HCCS: variants seen among roughly 807,000 people sequenced by gnomAD.
The protein encoded by HCCS is holocytochrome c-type synthase.
A neutral mutation model predicts 24.2 loss-of-function variants in HCCS; 2 were observed. The observed-to-expected ratio is 0.08, with a 90% CI of 0.03 to 0.26. The LOEUF (loss-of-function observed/expected upper bound fraction) is 0.26, where lower values mean the gene tolerates loss of function less well. Among genes scored for constraint, HCCS ranks in the 10% least tolerant of loss-of-function variants. HCCS has a pLI of 1.00. For missense variants in HCCS, 150 were observed against 213.3 expected (o/e 0.70, Z 1.85); for synonymous variants, 73 against 76.2 (o/e 0.96, Z 0.22).
At chrX:11,111,754 G>T (rs1348090632) in intron 1 of HCCS, among the ~76,000 whole-genome samples, 1 of 112,153 alleles carries the variant, frequency 8.9e-6, no homozygotes, top group East Asian at 2.8e-4. Flanking sequence ...GTACCTCCTG[G>T]CTGTGACGTG....
chrX:11,114,724 T>G (rs1452876022), intron 2 of HCCS, 111 bp from the exon 3 acceptor site: 1 of 687,564 alleles, frequency 1.5e-6, no homozygotes, highest in African/African-American at 2.1e-5. Flanking sequence ...AAACCTGGCT[T>G]TTCCTATGGT....
chrX:11,111,673 C>T, intron 1 of HCCS, among the ~76,000 whole-genome samples, 155 bp downstream of exon 1: 1 of 111,874 alleles, frequency 8.9e-6, no homozygotes, highest in Middle Eastern at 4.6e-3. Flanking sequence ...AGTCTAGGCT[C>T]AATGGACCTC....
intron 1 of HCCS, among the ~76,000 whole-genome samples, chrX:11,111,801 C>T (rs1250780405): frequency 8.9e-6 from 1 of 112,373 alleles, no homozygotes; most frequent in Non-Finnish European, 1.9e-5. Context: ...TCCCAAAATC[C>T]TCACTGCCTT....
In HCCS at chrX:11,114,953, T is replaced by G. The variant is rs1467650525; in HGVS notation, c.219T>G (p.Ala73=). The G allele has an allele frequency of 8.3e-7, 1 of 1,208,106 alleles. No homozygotes were observed. The highest frequency in any genetic ancestry group is 1.1e-6 in the Non-Finnish European group (1 of 893,180). ...AGTGTCCCATTAGGGGCACTGCGGC[T>G]GAGAATAAGGAGAACCTAGATCCTT... The part of the protein sequence containing the change: ...YVECPIRGTA[A]ENKENLDPSN... The change falls in exon 3 of 7, where the codon GCT becomes GCG. Residue 73 remains alanine, a synonymous_variant. Transcript: ENST00000380762.
chrX:11,117,861 G>A (rs550830548), intron 4 of HCCS, among the ~76,000 whole-genome samples: 41 of 111,942 alleles, frequency 3.7e-4, no homozygotes, highest in African/African-American at 1.3e-3. Context: ...AAGCAGTCAT[G>A]CAGAAGGCCT....
intron 5 of HCCS, 51 bp from the exon 6 acceptor site, chrX:11,120,856 T>C: frequency 9.6e-7 from 1 of 1,041,015 alleles, no homozygotes; most frequent in Non-Finnish European, 1.4e-6. Context: ...ATCATCTTTG[T>C]CAAAGAAAAG....
At position 11,117,348 on chromosome X, in the gene HCCS, G is replaced by A. The variant is rs986120900; in HGVS notation, c.334G>A (p.Ala112Thr). The A allele has an allele frequency of 1.2e-5, 15 of 1,207,002 alleles. No individual in the cohort carries two copies. The highest frequency in any genetic ancestry group is 8.7e-5 in the Admixed American group (4 of 45,795). Residue 112 changes from alanine to threonine, a missense_variant, in exon 4 of 7, where the codon GCA (alanine) becomes ACA (threonine). Transcript: ENST00000380762. ...CAGAGAAGAGTCATCCATTCCGAGA[G>A]CAGATTCAGAGAAAAAGTGGGTTTA... ...TVREESSIPR[A>T]DSEKKWVYPS...
chrX:11,117,779 G>A (rs2045459792), intron 4 of HCCS, among the ~76,000 whole-genome samples: 1 of 111,942 alleles, frequency 8.9e-6, no homozygotes. Context: ...GAAAGCCAGC[G>A]GTCTCAAGAT....
chrX:11,115,087 C>T lies in HCCS; in HGVS notation c.252+101C>T, dbSNP rs1003112885. The stretch of plus-strand genomic sequence containing the variant: ...AATGGCTAGGATGAATTCTTCTGTC[C>T]TTTGAAAACAGAGAAGTTAGATATT... On this transcript the variant is annotated intron_variant, in intron 3 of 6. Coordinates refer to ENST00000380762, the MANE Select transcript of HCCS (RefSeq NM_005333.5). 1.6e-5 allele frequency: 11 copies of T among 692,817 alleles called. No individual in the cohort carries two copies. In the Admixed American group the frequency reaches 2.5e-4, roughly 16 times the overall value. 57.1% of individuals were successfully genotyped at this position (692,817 alleles called of 1,213,427 possible).
At chrX:11,116,967 C>T (rs1375287952) in intron 3 of HCCS, among the ~76,000 whole-genome samples, 2 of 112,332 alleles carry the variant, frequency 1.8e-5, no homozygotes, top group African/African-American at 6.5e-5. Context: ...AAGATCGTGG[C>T]GTTAGTTTCT....
intron 5 of HCCS, 41 bp from the exon 6 acceptor site, chrX:11,120,866 G>T (rs759512922): frequency 2.2e-4 from 239 of 1,090,000 alleles, no homozygotes; most frequent in Non-Finnish European, 2.5e-4. Context: ...TCAAAGAAAA[G>T]AAAATATTTT....
chrX:11,120,073 A>G (rs1247737678), intron 5 of HCCS: 1 of 315,880 alleles, frequency 3.2e-6, no homozygotes, highest in East Asian at 1.0e-4. Flanking sequence ...GTAACTCATA[A>G]GTCCTCAAAT....
intron 1 of HCCS, 52 bp from the exon 2 acceptor site, chrX:11,111,967 C>G: frequency 1.5e-6 from 1 of 668,982 alleles, no homozygotes. Flanking sequence ...TTAGGACTAA[C>G]GAGAGAATAG....
intron 2 of HCCS, among the ~76,000 whole-genome samples, chrX:11,112,572 G>A (rs1283150687): frequency 8.9e-6 from 1 of 112,354 alleles, no homozygotes; most frequent in Non-Finnish European, 1.9e-5. Context: ...GGGTCTGGTC[G>A]TTATTTTGCG....
intron 3 of HCCS, among the ~76,000 whole-genome samples, chrX:11,116,771 G>C (rs969253123): frequency 1.2e-4 from 13 of 112,526 alleles, no homozygotes; most frequent in Admixed American, 8.4e-4. Flanking sequence ...TGACCTCGCA[G>C]CGTTGAGATG....
intron 3 of HCCS, among the ~76,000 whole-genome samples, chrX:11,115,340 A>T (rs1032238178): frequency 1.8e-5 from 2 of 112,083 alleles, no homozygotes; most frequent in Non-Finnish European, 3.8e-5. Context: ...TTGTAGACAC[A>T]TTACATGATT....
intron 6 of HCCS, among the ~76,000 whole-genome samples, chrX:11,121,218 A>G (rs775359184): frequency 9.8e-5 from 11 of 112,678 alleles, no homozygotes; most frequent in Non-Finnish European, 1.3e-4. Flanking sequence ...GTTATTGTCA[A>G]TGTTCTTGGA....
intron 3 of HCCS, among the ~76,000 whole-genome samples, chrX:11,116,575 G>C (rs924892814): frequency 4.4e-5 from 5 of 112,878 alleles, no homozygotes; most frequent in African/African-American, 1.3e-4. Context: ...TCCCAACCTT[G>C]GGTGATTTTG....
chrX:11,113,999 C>A (rs755817577), intron 2 of HCCS, among the ~76,000 whole-genome samples: 1 of 112,437 alleles, frequency 8.9e-6, no homozygotes. Context: ...CAGCTGTCTT[C>A]TGTGTCTCAG....
Sources: allele counts gnomAD v4.1 joint callset (sites outside exome capture counted in the v4.1 genomes callset), GRCh38; gene constraint gnomAD v4.1.1; transcripts MANE v1.5; gene names NCBI Gene and HGNC (gene_info 2026-07-23, HGNC 2026-07-21).